The following IL1RAPL2 variants were observed in gnomAD, a reference collection of about 807,000 sequenced individuals.
IL1RAPL2 encodes the protein X-linked interleukin-1 receptor accessory protein-like 2.
Under a neutral mutation model 44.1 loss-of-function variants are expected in IL1RAPL2, and 3 were observed. That is an observed-to-expected ratio of 0.07 (90% CI 0.03 to 0.18). IL1RAPL2 has a LOEUF of 0.18. Among genes scored for constraint, IL1RAPL2 ranks in the 10% least tolerant of loss-of-function variants. The pLI is 1.00. For synonymous variants in IL1RAPL2, 181 were observed against 178.8 expected (o/e 1.01, Z -0.10); for missense variants, 391 against 496.4 (o/e 0.79, Z 2.02).
intron 3 of IL1RAPL2, among the ~76,000 whole-genome samples, chrX:105,223,386 G>A (rs1343271127): frequency 9.0e-6 from 1 of 111,286 alleles, no homozygotes; most frequent in African/African-American, 3.3e-5. Context: ...TTCTACAGCT[G>A]TGTGCTACCA....
intron 5 of IL1RAPL2, among the ~76,000 whole-genome samples, chrX:105,277,903 G>T (rs7888778): frequency 0.036 from 3,984 of 110,350 alleles, 206 homozygotes; most frequent in African/African-American, 0.12. Flanking sequence ...TCCTTCTTCT[G>T]CATTTTTATT....
intron 2 of IL1RAPL2, among the ~76,000 whole-genome samples, chrX:104,793,080 G>C (rs1203330750): frequency 1.8e-5 from 2 of 112,199 alleles, no homozygotes; most frequent in Admixed American, 9.4e-5. Context: ...TCCAGCTGGG[G>C]AACTGAGGTC....
intron 2 of IL1RAPL2, among the ~76,000 whole-genome samples, chrX:105,077,980 T>C (rs1054276172): frequency 3.6e-5 from 4 of 111,730 alleles, no homozygotes; most frequent in African/African-American, 1.3e-4. Context: ...TGCCATTGAT[T>C]TGAACTTCCT....
At chrX:105,417,820 TCTCTC>T (rs1235038503) in intron 5 of IL1RAPL2, among the ~76,000 whole-genome samples, 2 of 111,908 alleles carry the variant, frequency 1.8e-5, no homozygotes, top group African/African-American at 6.5e-5. Flanking sequence ...TATAGACTCT[TCTCTC>T]CTCTACTTCC....
At chrX:104,988,427 T>C (rs192220010) in intron 2 of IL1RAPL2, among the ~76,000 whole-genome samples, 2 of 112,401 alleles carry the variant, frequency 1.8e-5, no homozygotes, top group African/African-American at 3.2e-5. Context: ...TGCATCTTAA[T>C]AGAACTAGAT....
chrX:105,621,168 A>T (rs1415217880), intron 6 of IL1RAPL2, among the ~76,000 whole-genome samples: 1 of 111,726 alleles, frequency 9.0e-6, no homozygotes, highest in Non-Finnish European at 1.9e-5. Context: ...AGGTTTATAA[A>T]CATGTCATAA....
chrX:105,372,604 C>T (rs184022456), intron 5 of IL1RAPL2, among the ~76,000 whole-genome samples: 1 of 111,096 alleles, frequency 9.0e-6, no homozygotes, highest in Non-Finnish European at 1.9e-5. Context: ...ATCCATTGGT[C>T]ATTTTTCCTG....
chrX:105,153,444 C>G (rs150769767), intron 2 of IL1RAPL2, among the ~76,000 whole-genome samples: 18 of 111,626 alleles, frequency 1.6e-4, no homozygotes, highest in African/African-American at 4.9e-4. Context: ...AATACAGACT[C>G]AAGCACTCTG....
At chrX:104,876,718 T>TTTATTATTATTA (rs200283526) in intron 2 of IL1RAPL2, among the ~76,000 whole-genome samples, 1 of 93,406 alleles carries the variant, frequency 1.1e-5, no homozygotes, top group African/African-American at 4.0e-5. Context: ...AACAATTTCT[T>TTTATTATTATTA]TTATTATTAT....
At chrX:104,861,420 AAAAT>A (rs1370118292) in intron 2 of IL1RAPL2, among the ~76,000 whole-genome samples, 2 of 111,631 alleles carry the variant, frequency 1.8e-5, no homozygotes, top group Non-Finnish European at 3.8e-5. Flanking sequence ...GACATACTGA[AAAAT>A]AAAATATAGA....
chrX:104,674,705 C>T (rs1337636274), intron 2 of IL1RAPL2, among the ~76,000 whole-genome samples: 4 of 109,546 alleles, frequency 3.7e-5, no homozygotes, highest in Admixed American at 9.7e-5. Flanking sequence ...TGGTAGAATT[C>T]GGCTGTGAAT....
At chrX:105,215,584 G>A (rs1341201206) in intron 3 of IL1RAPL2, among the ~76,000 whole-genome samples, 1 of 111,978 alleles carries the variant, frequency 8.9e-6, no homozygotes, top group Non-Finnish European at 1.9e-5. Flanking sequence ...AATAGAAAAA[G>A]AGGGAATCCT....
intron 2 of IL1RAPL2, among the ~76,000 whole-genome samples, chrX:104,921,592 G>A (rs1924642935): frequency 8.9e-6 from 1 of 112,327 alleles, no homozygotes; most frequent in African/African-American, 3.2e-5. Context: ...CCCAGGACTT[G>A]AGCACACCAT....
intron 5 of IL1RAPL2, among the ~76,000 whole-genome samples, chrX:105,327,101 T>G (rs2034945227): frequency 8.9e-6 from 1 of 111,840 alleles, no homozygotes; most frequent in African/African-American, 3.3e-5. Flanking sequence ...CTGATAATCT[T>G]TAAGCCAAAG....
chrX:104,653,122 A>T (rs1456425463), intron 1 of IL1RAPL2, among the ~76,000 whole-genome samples: 1 of 110,986 alleles, frequency 9.0e-6, no homozygotes, highest in Admixed American at 9.6e-5. Flanking sequence ...TGCTGATGGG[A>T]GGCTTCTCCA....
intron 2 of IL1RAPL2, among the ~76,000 whole-genome samples, chrX:104,878,211 A>G (rs1922962122): frequency 8.9e-6 from 1 of 111,847 alleles, no homozygotes; most frequent in Admixed American, 9.5e-5. Context: ...CCAGGTCATA[A>G]TGATCTTCCC....
intron 3 of IL1RAPL2, among the ~76,000 whole-genome samples, chrX:105,201,446 A>T (rs1556146390): frequency 8.9e-6 from 1 of 112,243 alleles, no homozygotes; most frequent in Non-Finnish European, 1.9e-5. Flanking sequence ...ATGTAAGTAT[A>T]CAGTAATTTT....
At chrX:105,319,738 T>C (rs1168024778) in intron 5 of IL1RAPL2, among the ~76,000 whole-genome samples, 1 of 111,916 alleles carries the variant, frequency 8.9e-6, no homozygotes, top group African/African-American at 3.3e-5. Context: ...AATGTGTTAA[T>C]GATGTCAGTA....
chrX:105,174,515 G>A (rs765796836), intron 2 of IL1RAPL2, among the ~76,000 whole-genome samples: 4 of 111,692 alleles, frequency 3.6e-5, no homozygotes, highest in Admixed American at 9.6e-5. Context: ...AAGGGCTGTT[G>A]TCATCCACTT....
Sources: gnomAD v4.1 joint callset for allele counts (sites outside exome capture counted in the v4.1 genomes callset) on GRCh38, gnomAD v4.1.1 for gene constraint, MANE v1.5 for transcripts, NCBI Gene and HGNC (gene_info 2026-07-23, HGNC 2026-07-21) for gene names.